The following FAM163A variants were observed in gnomAD, a reference collection of about 807,000 sequenced individuals.
FAM163A encodes the protein protein FAM163A.
Under a neutral mutation model 12.0 loss-of-function variants are expected in FAM163A, and 7 were observed. The ratio of observed to expected loss-of-function variants is 0.58; its 90% confidence interval spans 0.33 to 1.10. FAM163A has a LOEUF of 1.10. FAM163A is among the 50% of genes least tolerant of loss of function. The pLI, the probability that FAM163A is intolerant of heterozygous loss-of-function variation, is 0.03. For synonymous variants in FAM163A, 101 were observed against 91.0 expected (o/e 1.11, Z -0.62); for missense variants, 202 against 218.6 (o/e 0.92, Z 0.48).
At chr1:179,789,065 A>G (rs191488249) in intron 1 of FAM163A, among the ~76,000 whole-genome samples, 42 of 152,390 alleles carry the variant, frequency 2.8e-4, no homozygotes, top group African/African-American at 9.1e-4. Context: ...ACTCTCTTCT[A>G]TGAGCCCAAA....
At chr1:179,740,765 G>A (rs1296154041), upstream of FAM163A, among the ~76,000 whole-genome samples, 1 of 152,108 alleles carries the variant, frequency 6.6e-6, no homozygotes, top group Non-Finnish European at 1.5e-5. Flanking sequence ...AAACAGGTGT[G>A]GCTACGAAAG....
chr1:179,772,782 G>A (rs1452584022), intron 1 of FAM163A, among the ~76,000 whole-genome samples: 2 of 151,698 alleles, frequency 1.3e-5, no homozygotes, highest in Non-Finnish European at 2.9e-5. Context: ...AGGAACCCAG[G>A]GCCCTAGCTT....
intron 1 of FAM163A, among the ~76,000 whole-genome samples, chr1:179,799,134 C>G (rs1199509209): frequency 6.7e-6 from 1 of 149,536 alleles, no homozygotes; most frequent in Non-Finnish European, 1.5e-5. Context: ...ACAAGTGTTT[C>G]ACTGCTGAAA....
chr1:179,786,623 C>A (rs1422149908), intron 1 of FAM163A, among the ~76,000 whole-genome samples: 1 of 152,176 alleles, frequency 6.6e-6, no homozygotes, highest in Non-Finnish European at 1.5e-5. Flanking sequence ...CCCATTGAAT[C>A]CTCAAGACAA....
chr1:179,735,301 G>A, the FAM163A span, among the ~76,000 whole-genome samples: 24,625 of 152,014 alleles, frequency 0.16, 2,579 homozygotes, highest in Non-Finnish European at 0.24. Context: ...GAGCTAATAC[G>A]TTAATAAGAA....
At chr1:179,754,950 A>G (rs1195437686) in intron 1 of FAM163A, among the ~76,000 whole-genome samples, 1 of 152,172 alleles carries the variant, frequency 6.6e-6, no homozygotes, top group African/African-American at 2.4e-5. Flanking sequence ...CAGCCTGGCC[A>G]ACATGGTGAA....
chr1:179,788,757 G>A lies in FAM163A; in HGVS notation c.-135-19041G>A, dbSNP rs370119610. On this transcript the variant is annotated intron_variant, in intron 1 of 4. Transcript: ENST00000341785. Reference sequence around the variant, plus strand: ...TAGAAATGCAGGGTTGCAGCTTTGCGGAGGAAAGAGGTCACAAAAAGGGGG... The same window carrying A: ...TAGAAATGCAGGGTTGCAGCTTTGCAGAGGAAAGAGGTCACAAAAAGGGGG... Among the ~76,000 whole-genome samples, 70 of 152,290 alleles carry A rather than the reference G, an allele frequency of 4.6e-4. No homozygotes were observed. The Middle Eastern group carries it at 0.014, about 30-fold the overall frequency.
chr1:179,797,936 A>G (rs926921104), intron 1 of FAM163A, among the ~76,000 whole-genome samples: 3 of 152,150 alleles, frequency 2.0e-5, no homozygotes, highest in African/African-American at 7.2e-5. Context: ...AACTATTAAG[A>G]ATATAAGGCA....
At position 179,813,959 on chromosome 1, in the gene FAM163A, G is replaced by A. The variant is rs772845482; in HGVS notation, c.274G>A (p.Ala92Thr). ...CTGCAGCCAGCCCTGTGGGGTGGCC[G>A]CGAGCCACTGCACTACCTGCTCCCC... The part of the protein sequence containing the change: ...EPCSQPCGVA[A>T]SHCTTCSPYS... The change falls in exon 5 of 5, where the codon GCG becomes ACG. Residue 92 changes from alanine (A) to threonine (T), a missense_variant. Ala to Thr is a moderately conservative substitution (Grantham distance 58). Coordinates refer to ENST00000341785, the MANE Select transcript of FAM163A (RefSeq NM_173509.3). The A allele has an allele frequency of 3.7e-6, 6 of 1,613,404 alleles. No homozygotes were observed. The highest frequency in any genetic ancestry group is 2.2e-5 in the East Asian group (1 of 44,870).
At chr1:179,752,174 A>G (rs891061561) in intron 1 of FAM163A, among the ~76,000 whole-genome samples, 1 of 152,218 alleles carries the variant, frequency 6.6e-6, no homozygotes, top group African/African-American at 2.4e-5. Flanking sequence ...GTTTGACAAG[A>G]GTGCCAAGAA....
At chr1:179,745,012 G>A (rs1557885260) in intron 1 of FAM163A, among the ~76,000 whole-genome samples, 2 of 152,230 alleles carry the variant, frequency 1.3e-5, no homozygotes, top group South Asian at 4.1e-4. Context: ...TTCAGACCCT[G>A]AAAGAGGTGG....
At chr1:179,799,950 G>C (rs776919284) in intron 1 of FAM163A, among the ~76,000 whole-genome samples, 3 of 152,254 alleles carry the variant, frequency 2.0e-5, no homozygotes, top group Non-Finnish European at 2.9e-5. Context: ...TGGGGCAGGT[G>C]GAGCTTGAGG....
intron 1 of FAM163A, 91 bp downstream of exon 1, chr1:179,743,514 G>C (rs989403641): frequency 1.3e-5 from 2 of 152,336 alleles, no homozygotes; most frequent in Non-Finnish European, 2.9e-5. Context: ...CTCGGGCTCC[G>C]CGCGGGGATG....
chr1:179,784,523 T>C (rs1365320222), intron 1 of FAM163A, among the ~76,000 whole-genome samples: 1 of 152,198 alleles, frequency 6.6e-6, no homozygotes, highest in Non-Finnish European at 1.5e-5. Flanking sequence ...GGCAGGCATG[T>C]CTCCAGTGTA....
chr1:179,729,087 G>C, the FAM163A span, among the ~76,000 whole-genome samples: 1 of 152,304 alleles, frequency 6.6e-6, no homozygotes, highest in Middle Eastern at 3.4e-3. Flanking sequence ...CTGAAAGGGA[G>C]CATACTGAGG....
At chr1:179,800,120 G>A (rs896609558) in intron 1 of FAM163A, among the ~76,000 whole-genome samples, 6 of 152,226 alleles carry the variant, frequency 3.9e-5, no homozygotes, top group African/African-American at 1.2e-4. Flanking sequence ...TCACTGGTGA[G>A]TAAGGCAGAC....
At chr1:179,804,874 G>A (rs192671629) in intron 1 of FAM163A, among the ~76,000 whole-genome samples, 19 of 152,290 alleles carry the variant, frequency 1.2e-4, no homozygotes, top group Non-Finnish European at 2.5e-4. Flanking sequence ...ATACCTGGGT[G>A]ATGAAATAAT....
At chr1:179,740,814 T>C (rs1200248371), upstream of FAM163A, among the ~76,000 whole-genome samples, 1 of 152,192 alleles carries the variant, frequency 6.6e-6, no homozygotes, top group East Asian at 1.9e-4. Context: ...AAATGTTGTG[T>C]ATCTTGACTG....
chr1:179,764,349 G>A (rs61828394), intron 1 of FAM163A, among the ~76,000 whole-genome samples: 14,028 of 152,192 alleles, frequency 0.092, 820 homozygotes, highest in Non-Finnish European at 0.13. Context: ...CCCATTTTGA[G>A]GAACAGAGAA....
Sources: allele counts gnomAD v4.1 joint callset (sites outside exome capture counted in the v4.1 genomes callset), GRCh38; gene constraint gnomAD v4.1.1; transcripts MANE v1.5; gene names NCBI Gene and HGNC (gene_info 2026-07-23, HGNC 2026-07-21).